The following WDFY1 variants were observed in gnomAD, a reference collection of about 807,000 sequenced individuals.
WDFY1 encodes the protein WD repeat and FYVE domain-containing protein 1.
WDFY1 carries 32 observed loss-of-function variants against 56.4 expected under a neutral mutation model. The observed-to-expected ratio is 0.57, with a 90% confidence interval of 0.43 to 0.76. WDFY1 has a LOEUF of 0.76. Among genes scored for constraint, WDFY1 ranks in the 30% least tolerant of loss-of-function variants. WDFY1 has a pLI of 0.00. For missense variants in WDFY1, 480 were observed against 545.7 expected (o/e 0.88, Z 1.20); for synonymous variants, 192 against 197.3 (o/e 0.97, Z 0.23).
intron 7 of WDFY1, chr2:223,894,580 G>A: frequency 2.1e-6 from 1 of 483,466 alleles, no homozygotes; most frequent in Middle Eastern, 5.1e-4. Flanking sequence ...AGAATTGTAG[G>A]CCAGAGATTT....
At chr2:223,935,429 A>C (rs1694153210) in intron 1 of WDFY1, among the ~76,000 whole-genome samples, 1 of 152,256 alleles carries the variant, frequency 6.6e-6, no homozygotes, top group Non-Finnish European at 1.5e-5. Flanking sequence ...TCATGAAATC[A>C]GTATATATGT....
intron 2 of WDFY1, among the ~76,000 whole-genome samples, chr2:223,916,172 C>A (rs565388219): frequency 2.6e-5 from 4 of 152,250 alleles, no homozygotes; most frequent in African/African-American, 9.6e-5. Flanking sequence ...GGCCAGCCTG[C>A]CCAGGCTGTT....
intron 1 of WDFY1, among the ~76,000 whole-genome samples, chr2:223,918,215 T>C (rs1177956253): frequency 6.6e-6 from 1 of 151,960 alleles, no homozygotes; most frequent in Non-Finnish European, 1.5e-5. Flanking sequence ...GATACATATA[T>C]AGCATATTGT....
Position 223,945,198 on chromosome 2 carries a change from G to A in WDFY1, c.87C>T (p.Ala29=). 1 of 1,599,026 alleles carries A rather than the reference G, an allele frequency of 6.3e-7. No individual in the cohort carries two copies. Among genetic ancestry groups the A allele is most frequent in the Non-Finnish European group, 8.5e-7 (1 of 1,175,690 alleles). ...CGTCCTCCTTGGGGATGAGCAGCGC[G>A]GCCGTGACGGCGTCCTGGTGCCCCT... ...KIEGHQDAVT[A]ALLIPKEDGV... The change falls in exon 1 of 12, where the codon GCC becomes GCT. Residue 29 remains alanine (A), a synonymous_variant. Transcript: ENST00000233055.
intron 1 of WDFY1, among the ~76,000 whole-genome samples, chr2:223,922,009 T>TA (rs1272851675): frequency 6.6e-6 from 1 of 152,124 alleles, no homozygotes; most frequent in Non-Finnish European, 1.5e-5. Flanking sequence ...ACAGTGCCCC[T>TA]ATGCTCAGAA....
chr2:223,911,612 A>G (rs1275583858), intron 3 of WDFY1, among the ~76,000 whole-genome samples: 2 of 147,118 alleles, frequency 1.4e-5, no homozygotes, highest in East Asian at 2.0e-4. Flanking sequence ...ACACACACAC[A>G]CACAGAGTGA....
At chr2:223,906,786 C>T (rs1574768654) in intron 3 of WDFY1, among the ~76,000 whole-genome samples, 1 of 151,934 alleles carries the variant, frequency 6.6e-6, no homozygotes, top group East Asian at 1.9e-4. Context: ...TCCCAAAGTG[C>T]TGGGATTACA....
chr2:223,923,586 CCT>C (rs1041370260), intron 1 of WDFY1, among the ~76,000 whole-genome samples: 1 of 151,932 alleles, frequency 6.6e-6, no homozygotes, highest in Non-Finnish European at 1.5e-5. Flanking sequence ...ATGGTGAAAC[CCT>C]GTCTCTACTA....
chr2:223,896,037 T>C (rs1333406071), intron 6 of WDFY1, among the ~76,000 whole-genome samples: 1 of 151,236 alleles, frequency 6.6e-6, no homozygotes, highest in East Asian at 1.9e-4. Flanking sequence ...GCGCCTGTAA[T>C]CCCAGCTACT....
intron 1 of WDFY1, among the ~76,000 whole-genome samples, chr2:223,944,724 G>C (rs1420503979): frequency 6.7e-6 from 1 of 149,370 alleles, no homozygotes; most frequent in East Asian, 2.0e-4. Context: ...CGGACTGGAG[G>C]GGCGCGTTGG....
rs555241644 is a variant in WDFY1, at chr2:223,922,545, C to T, written c.138-4535G>A. Among the ~76,000 whole-genome samples the T allele has an allele frequency of 1.6e-4, 24 of 152,326 alleles. No homozygotes were observed. The South Asian group carries it at 4.8e-3, about 30-fold the overall frequency. ...GCACTTCACACTCACAGGCTTCATT[C>T]GTACAATCACAAAGTAAACCTGCCA... On this transcript the variant is annotated intron_variant, in intron 1 of 11. Transcript: ENST00000233055.
chr2:223,916,844 C>T (rs1437458907), intron 2 of WDFY1, among the ~76,000 whole-genome samples: 63 of 140,648 alleles, frequency 4.5e-4, no homozygotes, highest in African/African-American at 1.6e-3. Context: ...TACGGAGTTT[C>T]GCTCTTGTTG....
intron 1 of WDFY1, among the ~76,000 whole-genome samples, chr2:223,938,940 C>T (rs902548149): frequency 4.6e-5 from 7 of 151,660 alleles, no homozygotes; most frequent in South Asian, 2.1e-4. Flanking sequence ...CCTCAACCTC[C>T]GCCTACCGGG....
intron 1 of WDFY1, among the ~76,000 whole-genome samples, chr2:223,942,258 C>T (rs1689317677): frequency 1.3e-5 from 2 of 151,522 alleles, no homozygotes; most frequent in African/African-American, 2.4e-5. Context: ...CTGGCTCTAT[C>T]GCCCAGGCTG....
chr2:223,920,911 C>A (rs768755403), intron 1 of WDFY1, among the ~76,000 whole-genome samples: 5 of 152,160 alleles, frequency 3.3e-5, no homozygotes, highest in Non-Finnish European at 7.3e-5. Flanking sequence ...TACAGGACTG[C>A]GGACCAGTGG....
chr2:223,883,930 G>A (rs973163971), intron 9 of WDFY1, among the ~76,000 whole-genome samples: 14 of 152,148 alleles, frequency 9.2e-5, no homozygotes, highest in Non-Finnish European at 8.8e-5. Flanking sequence ...ACAGGCCTGA[G>A]CCACCATGCA....
intron 2 of WDFY1, among the ~76,000 whole-genome samples, chr2:223,912,965 T>C (rs908504161): frequency 9.9e-5 from 15 of 151,912 alleles, no homozygotes; most frequent in Non-Finnish European, 7.4e-5. Flanking sequence ...GGAAAAAAAA[T>C]GTGGGTTTGT....
chr2:223,931,378 CCA>C (rs1484196226), intron 1 of WDFY1, among the ~76,000 whole-genome samples: 1 of 152,212 alleles, frequency 6.6e-6, no homozygotes, highest in East Asian at 1.9e-4. Context: ...GGAGTTATAA[CCA>C]CAGTTATGAT....
At chr2:223,932,180 T>C (rs1239923528) in intron 1 of WDFY1, among the ~76,000 whole-genome samples, 1 of 137,896 alleles carries the variant, frequency 7.3e-6, no homozygotes, top group East Asian at 2.2e-4. Flanking sequence ...TGGAGTGCAG[T>C]GGTGCAATCT....
Sources: allele counts gnomAD v4.1 joint callset (sites outside exome capture counted in the v4.1 genomes callset), GRCh38; gene constraint gnomAD v4.1.1; transcripts MANE v1.5; gene names NCBI Gene and HGNC (gene_info 2026-07-23, HGNC 2026-07-21).